The following DBR1 variants were observed in gnomAD, a reference collection of about 807,000 sequenced individuals.
DBR1 encodes debranching RNA lariats 1, also known as lariat debranching enzyme.
In DBR1, 33 loss-of-function variants were observed where a neutral mutation model predicts 45.9. The ratio of observed to expected loss-of-function variants is 0.72; its 90% CI spans 0.55 to 0.96. The LOEUF (loss-of-function observed/expected upper bound fraction) is 0.96. DBR1 is among the 40% of genes least tolerant of loss of function. The probability of loss-of-function intolerance (pLI) is 0.00; values close to 1 mark genes in which losing one functional copy is unlikely to be tolerated. For synonymous variants in DBR1, 235 were observed against 235.9 expected (o/e 1.00, Z 0.04); for missense variants, 619 against 667.4 (o/e 0.93, Z 0.80).
intron 6 of DBR1, 84 bp downstream of exon 6, chr3:138,163,693 CA>C: frequency 9.5e-7 from 1 of 1,049,082 alleles, no homozygotes; most frequent in South Asian, 2.7e-5. Flanking sequence ...ACAAACAGAA[CA>C]AAAAAATTCC....
intron 4 of DBR1, among the ~76,000 whole-genome samples, chr3:138,168,046 T>C (rs1414024710): frequency 3.3e-5 from 5 of 151,930 alleles, no homozygotes; most frequent in Admixed American, 2.6e-4. Context: ...AACCCAAAGA[T>C]TTACCAGGAA....
chr3:138,168,993 G>A (rs2042942933), intron 4 of DBR1, among the ~76,000 whole-genome samples: 2 of 152,098 alleles, frequency 1.3e-5, no homozygotes, highest in African/African-American at 4.8e-5. Flanking sequence ...CTCATGGTTG[G>A]GAAATGGCAT....
At chr3:138,168,817 G>T (rs904579805) in intron 4 of DBR1, among the ~76,000 whole-genome samples, 1 of 152,084 alleles carries the variant, frequency 6.6e-6, no homozygotes, top group Non-Finnish European at 1.5e-5. Flanking sequence ...AATTAGCTGG[G>T]CGAGGTGATG....
chr3:138,169,707 G>A (rs1203437517), intron 4 of DBR1, among the ~76,000 whole-genome samples: 2 of 152,100 alleles, frequency 1.3e-5, no homozygotes, highest in African/African-American at 4.8e-5. Context: ...CAAGGCAGGC[G>A]GATCACCTGA....
chr3:138,169,957 T>C, intron 4 of DBR1, 150 bp downstream of exon 4: 2 of 623,266 alleles, frequency 3.2e-6, no homozygotes, highest in South Asian at 3.7e-5. Flanking sequence ...AAAAGGTTCA[T>C]CTGTGAACCT....
chr3:138,174,406 GGTACCTAACTGAATACA>G (rs1211860478), intron 1 of DBR1, among the ~76,000 whole-genome samples, 176 bp downstream of exon 1: 1 of 152,122 alleles, frequency 6.6e-6, no homozygotes, highest in African/African-American at 2.4e-5. Flanking sequence ...GACATAATTT[GGTACCTAACTGAATACA>G]GTACCGAACT....
Position 138,168,068 on chromosome 3 carries a change from T to A in DBR1, c.490-763A>T, listed in dbSNP as rs78013366. Reference sequence around the variant, plus strand: ...AGATTTACCAGGAAAAAAAAAATTCTAATAGGCTCACATAGTATACACTAA... The same window carrying A: ...AGATTTACCAGGAAAAAAAAAATTCAAATAGGCTCACATAGTATACACTAA... On this transcript the variant is annotated intron_variant, in intron 4 of 7. Coordinates refer to ENST00000260803, the MANE Select transcript of DBR1 (RefSeq NM_016216.4). Among the ~76,000 whole-genome samples the A allele has an allele frequency of 2.6e-3, 390 of 152,260 alleles. 10 individuals are homozygous for A. In the East Asian group the frequency reaches 0.058, roughly 23 times the overall value.
Position 138,174,836 on chromosome 3 carries a change from A to G in DBR1, c.-41T>C. On this transcript the variant is annotated 5_prime_UTR_variant, in exon 1 of 8. Coordinates refer to ENST00000260803, the MANE Select transcript of DBR1 (RefSeq NM_016216.4). ...AGGTGAGCGCTGCCTGCAACGCCCT[A>G]CACCACAGCCAGCCCAGGACCGACT... 3 of 1,585,318 alleles carry G rather than the reference A, an allele frequency of 1.9e-6. No homozygotes were observed. The highest frequency in any genetic ancestry group is 2.6e-6 in the Non-Finnish European group (3 of 1,165,182).
At chr3:138,165,562 T>C (rs2042926235) in intron 5 of DBR1, among the ~76,000 whole-genome samples, 1 of 152,004 alleles carries the variant, frequency 6.6e-6, no homozygotes, top group Non-Finnish European at 1.5e-5. Context: ...ACGCCGTCTC[T>C]ACTAAAAATA....
intron 1 of DBR1, among the ~76,000 whole-genome samples, chr3:138,174,216 A>G (rs560928780): frequency 4.3e-4 from 65 of 152,278 alleles, no homozygotes; most frequent in African/African-American, 1.5e-3. Flanking sequence ...CTTCAGGATC[A>G]TTGAATGAAC....
At position 138,162,109 on chromosome 3, in the gene DBR1, G is replaced by C; in HGVS notation, c.1415C>G (p.Pro472Arg). Residue 472 changes from proline (P) to arginine (R), a missense_variant, in exon 8 of 8, where the codon CCA becomes CGA. Pro to Arg is a moderately radical substitution (Grantham distance 103, BLOSUM62 -2). This residue lies in a region of DBR1 where 182 missense variants were observed against 196.1 expected (regional missense o/e 0.93). Transcript: ENST00000260803. ...SASFSDVRIL[P>R]GSMIVSSDDT... ...ATCAGAAGATACAATCATAGAGCCT[G>C]GCAAGATCCTGACATCAGAGAAACT... is the stretch of plus-strand genomic sequence containing the variant. The C allele has an allele frequency of 6.2e-7, 1 of 1,614,124 alleles. No individual in the cohort carries two copies. Among genetic ancestry groups the C allele is most frequent in the Non-Finnish European group, 8.5e-7 (1 of 1,180,030 alleles).
At chr3:138,167,986 G>T (rs554792947) in intron 4 of DBR1, among the ~76,000 whole-genome samples, 15 of 152,040 alleles carry the variant, frequency 9.9e-5, no homozygotes, top group African/African-American at 3.6e-4. Context: ...CTGTTTTGAA[G>T]ATCCAGAGAC....
At chr3:138,173,760 G>A (rs1474950589) in intron 1 of DBR1, 134 bp from the exon 2 acceptor site, 1 of 943,562 alleles carries the variant, frequency 1.1e-6, no homozygotes, top group African/African-American at 1.7e-5. Context: ...CCTGGGGCTG[G>A]GCGCGGTGGC....
At chr3:138,170,816 A>G (rs77067916) in intron 3 of DBR1, among the ~76,000 whole-genome samples, 2,349 of 152,382 alleles carry the variant, frequency 0.015, 60 homozygotes, top group African/African-American at 0.053. Context: ...TTCAGACACA[A>G]TGAAATTAAT....
chr3:138,168,345 C>T (rs760646513), intron 4 of DBR1, among the ~76,000 whole-genome samples: 32 of 150,810 alleles, frequency 2.1e-4, no homozygotes, highest in Non-Finnish European at 4.0e-4. Context: ...ATGGTGAAAC[C>T]CCATCTTTAT....
At chr3:138,173,185 A>G (rs2042962996) in intron 2 of DBR1, among the ~76,000 whole-genome samples, 1 of 151,046 alleles carries the variant, frequency 6.6e-6, no homozygotes, top group African/African-American at 2.4e-5. Flanking sequence ...ACTTTTGTGT[A>G]TGCTTAAGAA....
Position 138,162,502 on chromosome 3 carries a change from A to C in DBR1, c.1022T>G (p.Phe341Cys). Reference protein sequence around the residue: ...LNHDLKVPCNFSVTAACYDPS... With the variant: ...LNHDLKVPCNCSVTAACYDPS... Reference sequence around the variant, plus strand: ...ATCATAACAAGCAGCTGTTACACTAAAGTTACATGGAACCTTGAGATCATG... The same window carrying C: ...ATCATAACAAGCAGCTGTTACACTACAGTTACATGGAACCTTGAGATCATG... Residue 341 changes from phenylalanine (F) to cysteine (C), a missense_variant, in exon 8 of 8, where the codon TTT (phenylalanine) becomes TGT (cysteine). Around this residue, in one of 3 missense-constraint regions of DBR1, gnomAD observed 430 missense variants for 447.7 expected, o/e 0.96. Coordinates refer to ENST00000260803, the MANE Select transcript of DBR1 (RefSeq NM_016216.4). The C allele has an allele frequency of 6.2e-7, 1 of 1,614,100 alleles. No homozygotes were observed. The highest frequency in any genetic ancestry group is 8.5e-7 in the Non-Finnish European group (1 of 1,179,976).
chr3:138,166,415 A>ATC (rs1372622694), intron 5 of DBR1, among the ~76,000 whole-genome samples: 1 of 152,014 alleles, frequency 6.6e-6, no homozygotes, highest in Non-Finnish European at 1.5e-5. Context: ...TCCTTCTAAA[A>ATC]TCTCTCTAGA....
intron 6 of DBR1, 43 bp downstream of exon 6, chr3:138,163,735 G>T: frequency 7.2e-7 from 1 of 1,383,212 alleles, no homozygotes; most frequent in Non-Finnish European, 9.9e-7. Context: ...TTAAGTCTCT[G>T]GAAGAGTACA....
Sources: allele counts gnomAD v4.1 joint callset (sites outside exome capture counted in the v4.1 genomes callset), GRCh38; gene constraint gnomAD v4.1.1; regional missense constraint gnomAD v4.1.1; transcripts MANE v1.5; gene names NCBI Gene and HGNC (gene_info 2026-07-23, HGNC 2026-07-21).